LAMA2: variants seen among roughly 807,000 people sequenced by gnomAD.
LAMA2 encodes the protein laminin subunit alpha-2.
Under a neutral mutation model 364.8 loss-of-function variants are expected in LAMA2, and 269 were observed. The observed-to-expected ratio is 0.74, with a 90% CI of 0.67 to 0.82. LAMA2 has a LOEUF of 0.82. Ranked by LOEUF, LAMA2 falls within the 40% of genes least tolerant of loss-of-function variation. LAMA2 has a pLI of 0.00. For missense variants in LAMA2, 3,807 were observed against 3,873.2 expected, an observed-to-expected ratio of 0.98 and a Z score of 0.45; for synonymous variants, 1,379 against 1,370.6, an observed-to-expected ratio of 1.01 and a Z score of -0.14.
chr6:129,480,726 GA>G (rs1212182467), intron 54 of LAMA2, among the ~76,000 whole-genome samples: 1 of 152,122 alleles, frequency 6.6e-6, no homozygotes, highest in Non-Finnish European at 1.5e-5. Context: ...TTAATATTGA[GA>G]AAAAACTAGA....
At chr6:129,192,895 T>C (rs969969249) in intron 12 of LAMA2, 42 bp downstream of exon 12, 1 of 1,582,568 alleles carries the variant, frequency 6.3e-7, no homozygotes, top group Non-Finnish European at 8.7e-7. Flanking sequence ...TTTAACTGAC[T>C]GATCGTGAGA....
chr6:128,931,325 T>C (rs1055880170), intron 1 of LAMA2, among the ~76,000 whole-genome samples: 3 of 152,232 alleles, frequency 2.0e-5, no homozygotes, highest in Non-Finnish European at 4.4e-5. Flanking sequence ...TTTCTAGCAC[T>C]TTTCAGGCAA....
chr6:129,410,445 G>T (rs557446929), intron 40 of LAMA2, among the ~76,000 whole-genome samples: 1 of 151,970 alleles, frequency 6.6e-6, no homozygotes, highest in East Asian at 1.9e-4. Flanking sequence ...CTCTGTCTCT[G>T]TCTCTCTTAC....
chr6:129,020,823 G>A (rs62428482), intron 1 of LAMA2, among the ~76,000 whole-genome samples: 2,748 of 152,208 alleles, frequency 0.018, 52 homozygotes, highest in Non-Finnish European at 0.028. Flanking sequence ...CGAGAGATGG[G>A]AGTGGAAGGC....
At chr6:129,281,253 A>G (rs265368) in intron 18 of LAMA2, among the ~76,000 whole-genome samples, 7,726 of 152,220 alleles carry the variant, frequency 0.051, 254 homozygotes, top group Non-Finnish European at 0.067. Flanking sequence ...AGGCATGTGC[A>G]TATTACTTAC....
chr6:129,343,931 C>G (rs142617904), intron 30 of LAMA2, among the ~76,000 whole-genome samples: 59 of 152,210 alleles, frequency 3.9e-4, no homozygotes, highest in African/African-American at 1.3e-3. Flanking sequence ...TTACAAAATA[C>G]AAGGCATGTG....
intron 40 of LAMA2, among the ~76,000 whole-genome samples, chr6:129,406,621 GA>G (rs1780261459): frequency 6.6e-6 from 1 of 152,110 alleles, no homozygotes; most frequent in African/African-American, 2.4e-5. Flanking sequence ...GATCCTATAA[GA>G]GACTCTAAAA....
At chr6:129,158,469 C>T in intron 8 of LAMA2, 1 of 1,614,008 alleles carries the variant, frequency 6.2e-7, no homozygotes, top group Non-Finnish European at 8.5e-7. Context: ...TCCAGACCCA[C>T]TACCAGAACT....
Position 129,192,284 on chromosome 6 carries a change from A to G in LAMA2, c.1609-396A>G, listed in dbSNP as rs146887049. ...TTTTTTCCAAAAGCAACAATAAACTACTAGTGGAGTAAAAAATACGGAACT... is the reference window on the plus strand; with the variant it reads ...TTTTTTCCAAAAGCAACAATAAACTGCTAGTGGAGTAAAAAATACGGAACT... On this transcript the variant is annotated intron_variant, in intron 11 of 64. Transcript: ENST00000421865. 1.2e-4 allele frequency among the ~76,000 whole-genome samples: 19 copies of G among 152,352 alleles called. No homozygotes were observed. The East Asian group carries it at 2.1e-3, about 17-fold the overall frequency.
At chr6:129,043,043 T>G (rs9321146) in intron 1 of LAMA2, among the ~76,000 whole-genome samples, 53,331 of 152,000 alleles carry the variant, frequency 0.35, 11,286 homozygotes, top group African/African-American at 0.59. Context: ...AGGGGAAAAT[T>G]TGAAGGACTT....
intron 1 of LAMA2, among the ~76,000 whole-genome samples, chr6:128,883,807 C>CAA (rs1239177729): frequency 1.5e-3 from 149 of 101,946 alleles, no homozygotes; most frequent in Non-Finnish European, 1.5e-3. Flanking sequence ...TATATACACA[C>CAA]ACACACACAC....
intron 1 of LAMA2, among the ~76,000 whole-genome samples, chr6:128,896,896 C>A (rs189759716): frequency 3.9e-5 from 6 of 152,256 alleles, no homozygotes; most frequent in Admixed American, 2.0e-4. Context: ...CAGATCTGCT[C>A]GGTGAGAAAT....
At chr6:129,485,004 A>G (rs73776179) in intron 55 of LAMA2, among the ~76,000 whole-genome samples, 1,701 of 152,298 alleles carry the variant, frequency 0.011, 31 homozygotes, top group African/African-American at 0.038. Context: ...GTAGAGGGAG[A>G]AAAGTGTTAT....
chr6:129,479,793 TTTCAGGATC>T (rs1784262226), intron 54 of LAMA2: 1 of 152,168 alleles, frequency 6.6e-6, no homozygotes, highest in African/African-American at 2.4e-5. Context: ...GGAACAGAAC[TTTCAGGATC>T]TTCATTGTTC....
chr6:129,123,028 G>A (rs1439767892), intron 4 of LAMA2, among the ~76,000 whole-genome samples: 1 of 152,176 alleles, frequency 6.6e-6, no homozygotes, highest in African/African-American at 2.4e-5. Flanking sequence ...GAGGCCGGGT[G>A]TGGTGGCTCA....
chr6:128,942,398 A>G (rs1040768020), intron 1 of LAMA2, among the ~76,000 whole-genome samples: 1 of 152,222 alleles, frequency 6.6e-6, no homozygotes, highest in Admixed American at 6.5e-5. Flanking sequence ...CCCATTGAAG[A>G]CTACAGAAAT....
At chr6:129,443,997 A>T (rs1017065150) in intron 44 of LAMA2, among the ~76,000 whole-genome samples, 1 of 152,144 alleles carries the variant, frequency 6.6e-6, no homozygotes, top group East Asian at 1.9e-4. Flanking sequence ...AAAATATTAG[A>T]CCTGATAAAT....
chr6:129,102,326 A>G (rs1406193137), intron 4 of LAMA2, among the ~76,000 whole-genome samples: 2 of 151,742 alleles, frequency 1.3e-5, no homozygotes, highest in African/African-American at 2.4e-5. Flanking sequence ...CAGTACAGAC[A>G]GGGTTTCACC....
At chr6:129,085,887 CTT>C (rs1047531345) in intron 3 of LAMA2, among the ~76,000 whole-genome samples, 101 of 152,282 alleles carry the variant, frequency 6.6e-4, no homozygotes, top group African/African-American at 2.4e-3. Flanking sequence ...TTTTCAGAAA[CTT>C]TTGTTAACTG....
Sources: gnomAD v4.1 joint callset for allele counts (sites outside exome capture counted in the v4.1 genomes callset) on GRCh38, gnomAD v4.1.1 for gene constraint, MANE v1.5 for transcripts, NCBI Gene and HGNC (gene_info 2026-07-23, HGNC 2026-07-21) for gene names.